Variants in TFEC observed in about 807,000 individuals in gnomAD.
TFEC encodes the protein class E basic helix-loop-helix protein 34.
Under a neutral mutation model 41.6 loss-of-function variants are expected in TFEC, and 31 were observed. The observed-to-expected ratio is 0.74, with a 90% CI of 0.56 to 1.01. The LOEUF is 1.01. TFEC is among the 50% of genes least tolerant of loss of function. The probability of loss-of-function intolerance (pLI) is 0.00; values close to 1 mark genes in which losing one functional copy is unlikely to be tolerated. For synonymous variants in TFEC, 143 were observed against 140.6 expected, an observed-to-expected ratio of 1.02 and a Z score of -0.12; for missense variants, 402 against 404.1, an observed-to-expected ratio of 0.99 and a Z score of 0.04.
At chr7:116,027,625 C>G (rs1283568542) in intron 1 of TFEC, among the ~76,000 whole-genome samples, 1 of 151,870 alleles carries the variant, frequency 6.6e-6, no homozygotes, top group Non-Finnish European at 1.5e-5. Flanking sequence ...TGCAGGCTCA[C>G]ATTCTTACTT....
chr7:116,074,362 G>A (rs1178591920), intron 3 of TFEC, among the ~76,000 whole-genome samples: 12 of 151,512 alleles, frequency 7.9e-5, no homozygotes, highest in Non-Finnish European at 1.5e-4. Flanking sequence ...TTATATGCAC[G>A]ACAAGGGGCT....
chr7:116,061,346 G>GC lies in TFEC; in HGVS notation c.198+49361dup, dbSNP rs368144833. On this transcript the variant is annotated intron_variant, in intron 3 of 8. Coordinates refer to the TFEC transcript ENST00000484212. Reference sequence around the variant, plus strand: ...AACTGATTTTGACCAAGGTGTAAGGGCAATTCAGCATAAAAGGGTAGTCTT... The same window carrying GC: ...AACTGATTTTGACCAAGGTGTAAGGGCCAATTCAGCATAAAAGGGTAGTCTT... 5.1e-3 allele frequency among the ~76,000 whole-genome samples: 777 copies of GC among 152,194 alleles called. 11 individuals carry two copies. The highest frequency in any genetic ancestry group is 0.018 in the African/African-American group (741 of 41,514).
At chr7:116,144,070 T>A (rs1165378855) in intron 1 of TFEC, among the ~76,000 whole-genome samples, 1 of 151,956 alleles carries the variant, frequency 6.6e-6, no homozygotes, top group Non-Finnish European at 1.5e-5. Context: ...ATACAAAAAT[T>A]AGCCAGGTAT....
intron 1 of TFEC, among the ~76,000 whole-genome samples, chr7:116,007,504 T>C (rs937293297): frequency 1.3e-5 from 2 of 152,218 alleles, no homozygotes; most frequent in South Asian, 2.1e-4. Flanking sequence ...AGGTTCTTCA[T>C]GCCCCCACAC....
chr7:116,096,052 A>T (rs1797446889), intron 3 of TFEC, among the ~76,000 whole-genome samples: 1 of 152,186 alleles, frequency 6.6e-6, no homozygotes, highest in Admixed American at 6.5e-5. Context: ...CTTGAACTTA[A>T]TACGTCTTAA....
intron 1 of TFEC, among the ~76,000 whole-genome samples, chr7:116,007,566 G>A (rs1418610074): frequency 2.0e-5 from 3 of 152,108 alleles, no homozygotes; most frequent in African/African-American, 7.2e-5. Flanking sequence ...TCCTAAATAC[G>A]TGACTTATTC....
At chr7:115,957,812 T>C (rs916058568) in intron 3 of TFEC, among the ~76,000 whole-genome samples, 2 of 151,830 alleles carry the variant, frequency 1.3e-5, no homozygotes, top group African/African-American at 4.8e-5. Context: ...AACCCACTTT[T>C]TGCAAAACTC....
At chr7:116,126,242 T>C (rs1206905385) in intron 1 of TFEC, among the ~76,000 whole-genome samples, 2 of 152,114 alleles carry the variant, frequency 1.3e-5, no homozygotes, top group Non-Finnish European at 2.9e-5. Flanking sequence ...ATATCTTTTA[T>C]GAAATAAAAA....
chr7:116,140,754 C>A (rs1798524211), intron 1 of TFEC, among the ~76,000 whole-genome samples: 1 of 152,100 alleles, frequency 6.6e-6, no homozygotes, highest in African/African-American at 2.4e-5. Context: ...CTCATCTGAC[C>A]CTCCACACTC....
chr7:116,122,227 C>T (rs1205835834), intron 1 of TFEC, among the ~76,000 whole-genome samples: 2 of 152,166 alleles, frequency 1.3e-5, no homozygotes, highest in South Asian at 4.1e-4. Context: ...TGATTAAGCA[C>T]TTCAGAAGTG....
chr7:115,951,043 G>A (rs1791912216), intron 5 of TFEC, 94 bp from the exon 6 acceptor site: 6 of 652,112 alleles, frequency 9.2e-6, no homozygotes, highest in South Asian at 4.4e-5. Context: ...TAAAAACAAT[G>A]GGAAAAAAAC....
intron 1 of TFEC, among the ~76,000 whole-genome samples, chr7:116,001,176 G>T (rs925633943): frequency 2.0e-5 from 3 of 152,130 alleles, no homozygotes; most frequent in Admixed American, 2.0e-4. Flanking sequence ...TTAGACAAAG[G>T]TGCCAATAAC....
rs555556696 is a variant in TFEC, at chr7:116,151,702, A to G, written c.-69+8088T>C. On this transcript the variant is annotated intron_variant, in intron 1 of 8. Transcript: ENST00000484212. ...ACAAATATGCTTATCTCTTAATATC[A>G]TTATAAAAATTTTTATATTTGGGAG... Among the ~76,000 whole-genome samples the G allele has an allele frequency of 3.3e-4, 50 of 152,060 alleles. 1 individual carries two copies. In the South Asian group the frequency reaches 3.9e-3, roughly 12 times the overall value.
At chr7:116,099,947 A>G (rs1461753729) in intron 3 of TFEC, among the ~76,000 whole-genome samples, 1 of 152,194 alleles carries the variant, frequency 6.6e-6, no homozygotes, top group Non-Finnish European at 1.5e-5. Flanking sequence ...TAACTTTTTT[A>G]AAATCTGAAG....
chr7:115,935,786 T>A lies in TFEC; in HGVS notation c.*4765A>T, dbSNP rs1793201262. 6.6e-6 allele frequency: 1 copy of A among 151,630 alleles called. No individual in the cohort carries two copies. Among genetic ancestry groups the A allele is most frequent in the Non-Finnish European group, 1.5e-5 (1 of 67,614 alleles). The allele number at this position is 151,630 out of a possible 1,614,324, so 9.4% of individuals were successfully genotyped here. A position where few individuals can be genotyped will look rare whatever the true frequency, so the allele number is the denominator to read the frequency against. The stretch of plus-strand genomic sequence containing the variant: ...ACAAACACAAAAGTCTTTACTGTTA[T>A]TCTTTATGCCTGTTGGATAATGTAA... On this transcript the variant is annotated 3_prime_UTR_variant, in exon 8 of 8. Transcript: ENST00000265440.
At chr7:116,079,437 A>G (rs1480616926) in intron 3 of TFEC, among the ~76,000 whole-genome samples, 2 of 152,012 alleles carry the variant, frequency 1.3e-5, no homozygotes, top group African/African-American at 4.8e-5. Context: ...AACTCTAAAG[A>G]CTCATCCAAA....
In TFEC at chr7:115,944,013, A is replaced by ATTTTTTTTTTTT. The variant is rs1160114562; in HGVS notation, c.516-1985_516-1974dup. On this transcript the variant is annotated intron_variant, in intron 6 of 7. Transcript: ENST00000265440. ...GAAAATAATACTATGACAGGTCTGA[A>ATTTTTTTTTTTT]TTTTTTTTTTTTTTTTTTTTTTTTT... Among the ~76,000 whole-genome samples the ATTTTTTTTTTTT allele has an allele frequency of 1.5e-3, 35 of 22,834 alleles. 4 individuals carry two copies. The highest frequency in any genetic ancestry group is 3.1e-3 in the African/African-American group (25 of 8,038). The allele number at this position is 22,834 out of a possible 152,430, so 15.0% of individuals were successfully genotyped here.
At chr7:115,992,057 C>G (rs1794142541) in intron 1 of TFEC, among the ~76,000 whole-genome samples, 1 of 152,172 alleles carries the variant, frequency 6.6e-6, no homozygotes, top group African/African-American at 2.4e-5. Context: ...GAAACTCACT[C>G]AAAACCACAC....
chr7:116,078,525 A>G (rs1313450245), intron 3 of TFEC, among the ~76,000 whole-genome samples: 1 of 152,222 alleles, frequency 6.6e-6, no homozygotes, highest in Non-Finnish European at 1.5e-5. Context: ...CCACAGAAAT[A>G]CAAAAGATTA....
Sources: allele counts gnomAD v4.1 joint callset (sites outside exome capture counted in the v4.1 genomes callset), GRCh38; gene constraint gnomAD v4.1.1; transcripts MANE v1.5; gene names NCBI Gene and HGNC (gene_info 2026-07-23, HGNC 2026-07-21).